ESF1: variants seen among roughly 807,000 people sequenced by gnomAD.
The protein encoded by ESF1 is ESF1 nucleolar pre-rRNA processing protein, also known as ESF1 homolog.
In ESF1, 58 loss-of-function variants were observed where a neutral mutation model predicts 92.0. The ratio of observed to expected loss-of-function variants is 0.63; its 90% CI spans 0.51 to 0.78. The LOEUF (loss-of-function observed/expected upper bound fraction) is 0.78, where lower values mean the gene tolerates loss of function less well. Ranked by LOEUF, ESF1 falls within the 30% of genes least tolerant of loss-of-function variation. The probability of loss-of-function intolerance (pLI) is 0.00; values close to 1 mark genes in which losing one functional copy is unlikely to be tolerated. For missense variants in ESF1, 922 were observed against 989.1 expected, an observed-to-expected ratio of 0.93 and a Z score of 0.91; for synonymous variants, 321 against 313.7, an observed-to-expected ratio of 1.02 and a Z score of -0.24.
chr20:13,770,878 T>C (rs1487968705), intron 6 of ESF1, among the ~76,000 whole-genome samples: 1 of 152,230 alleles, frequency 6.6e-6, no homozygotes, highest in Non-Finnish European at 1.5e-5. Context: ...GAACAATTAT[T>C]TGAAATATGA....
chr20:13,771,260 G>A, intron 6 of ESF1, 71 bp downstream of exon 6: 1 of 1,418,408 alleles, frequency 7.1e-7, no homozygotes, highest in Middle Eastern at 2.5e-4. Context: ...ATCACTACCA[G>A]TTCAAATATT....
intron 1 of ESF1, 82 bp from the exon 2 acceptor site, chr20:13,783,265 CTAAGT>C: frequency 1.0e-6 from 1 of 976,816 alleles, no homozygotes; most frequent in Non-Finnish European, 1.5e-6. Context: ...ACAATATATT[CTAAGT>C]TAATATATTC....
intron 13 of ESF1, among the ~76,000 whole-genome samples, chr20:13,716,231 G>A (rs2049823810): frequency 6.6e-6 from 1 of 152,180 alleles, no homozygotes; most frequent in Non-Finnish European, 1.5e-5. Context: ...ACAGCTGTTT[G>A]TAGATTTTTG....
At chr20:13,758,131 G>C (rs778194291) in intron 9 of ESF1, among the ~76,000 whole-genome samples, 2 of 152,066 alleles carry the variant, frequency 1.3e-5, no homozygotes, top group Non-Finnish European at 2.9e-5. Context: ...TAATAATATA[G>C]AGAATTCCTC....
chr20:13,733,628 G>T (rs2049957523), intron 10 of ESF1, 93 bp downstream of exon 10: 5 of 1,316,630 alleles, frequency 3.8e-6, no homozygotes, highest in Non-Finnish European at 5.1e-6. Context: ...TCAGTGAGTG[G>T]TTACATTTTG....
At chr20:13,784,830 C>T (rs759665158) in intron 1 of ESF1, 50 bp downstream of exon 1, 85 of 578,048 alleles carry the variant, frequency 1.5e-4, no homozygotes, top group Middle Eastern at 4.6e-4. Flanking sequence ...ACACACACGC[C>T]CTCAAGCCCT....
In ESF1 at chr20:13,775,956, C is replaced by G. The variant is rs377187240; in HGVS notation, c.952G>C (p.Asp318His). 1.2e-6 allele frequency: 2 copies of G among 1,613,814 alleles called. No individual in the cohort carries two copies. Among genetic ancestry groups the G allele is most frequent in the East Asian group, 4.5e-5 (2 of 44,854 alleles). Residue 318 changes from aspartate (D) to histidine (H), a missense_variant, in exon 3 of 14, where the codon GAT becomes CAT. Physicochemically the swap from Asp to His is moderately conservative, Grantham distance 81. Coordinates refer to ENST00000617257, the MANE Select transcript of ESF1 (RefSeq NM_001276380.2). ...NIETSSEDED[D>H]TADLFPEESG... ...TCTTCTGGAAACAAATCTGCCGTAT[C>G]ATCTTCATCTTCAGAACTAGTTTCT... is the stretch of plus-strand genomic sequence containing the variant.
At chr20:13,746,999 T>C (rs144627988) in intron 9 of ESF1, among the ~76,000 whole-genome samples, 2 of 152,248 alleles carry the variant, frequency 1.3e-5, no homozygotes, top group African/African-American at 4.8e-5. Flanking sequence ...ACAATGTTTG[T>C]ACAGCAAGAT....
At chr20:13,746,041 T>C (rs755969439) in intron 9 of ESF1, among the ~76,000 whole-genome samples, 1 of 152,086 alleles carries the variant, frequency 6.6e-6, no homozygotes, top group Non-Finnish European at 1.5e-5. Flanking sequence ...CTCAGATCAC[T>C]GCAACCTCCA....
intron 11 of ESF1, among the ~76,000 whole-genome samples, chr20:13,719,444 T>G (rs1156664132): frequency 6.6e-6 from 1 of 152,048 alleles, no homozygotes; most frequent in African/African-American, 2.4e-5. Context: ...TGTATTAACG[T>G]GTACTGAAAA....
chr20:13,748,959 C>T (rs1407445140), intron 9 of ESF1, among the ~76,000 whole-genome samples: 1 of 152,006 alleles, frequency 6.6e-6, no homozygotes, highest in African/African-American at 2.4e-5. Flanking sequence ...TTTTAAAATT[C>T]CCCTGTTTAC....
At chr20:13,764,100 T>A (rs1209934741) in intron 8 of ESF1, among the ~76,000 whole-genome samples, 1 of 152,182 alleles carries the variant, frequency 6.6e-6, no homozygotes, top group African/African-American at 2.4e-5. Flanking sequence ...ATAAAAATAA[T>A]ACATATACAA....
intron 9 of ESF1, among the ~76,000 whole-genome samples, chr20:13,739,509 A>G (rs1307497050): frequency 1.3e-5 from 2 of 152,196 alleles, no homozygotes; most frequent in Non-Finnish European, 2.9e-5. Context: ...AATGTACACA[A>G]TATCAAGCTA....
chr20:13,777,430 G>A (rs1480748872), intron 2 of ESF1, among the ~76,000 whole-genome samples: 1 of 152,140 alleles, frequency 6.6e-6, no homozygotes, highest in African/African-American at 2.4e-5. Context: ...TTTTGAATAT[G>A]TTGAATACGA....
In ESF1 at chr20:13,784,287, C is replaced by CG. The variant is rs1555828491; in HGVS notation, c.-44+592_-44+593insC. Reference sequence around the variant, plus strand: ...AAAAGTCGTTGATTATTAAGCAACCCCCCCCCAAAATGATTAAAAGGGCAA... The same window carrying CG: ...AAAAGTCGTTGATTATTAAGCAACCCGCCCCCCAAAATGATTAAAAGGGCAA... On this transcript the variant is annotated intron_variant, in intron 1 of 13. Transcript: ENST00000617257. Among the ~76,000 whole-genome samples, 3 of 146,076 alleles carry CG rather than the reference C, an allele frequency of 2.1e-5. No homozygotes were observed. The Admixed American group carries it at 2.1e-4, about 10-fold the overall frequency.
chr20:13,783,375 T>C (rs1980349549), intron 1 of ESF1, among the ~76,000 whole-genome samples, 192 bp from the exon 2 acceptor site: 1 of 152,174 alleles, frequency 6.6e-6, no homozygotes, highest in South Asian at 2.1e-4. Flanking sequence ...CATACCAAAA[T>C]ATCCTCTTTC....
chr20:13,770,823 T>A (rs1979649698), intron 6 of ESF1, among the ~76,000 whole-genome samples: 1 of 152,218 alleles, frequency 6.6e-6, no homozygotes, highest in South Asian at 2.1e-4. Context: ...CCAACAGAAC[T>A]TTCTGTGACA....
chr20:13,765,229 C>G (rs1002878132), intron 8 of ESF1, among the ~76,000 whole-genome samples: 4 of 152,034 alleles, frequency 2.6e-5, no homozygotes, highest in African/African-American at 9.7e-5. Context: ...TCTCAAAAAA[C>G]AAAAACAACT....
chr20:13,724,674 T>C (rs1055161880), intron 11 of ESF1, among the ~76,000 whole-genome samples: 1 of 152,240 alleles, frequency 6.6e-6, no homozygotes, highest in African/African-American at 2.4e-5. Flanking sequence ...CTAACACATA[T>C]TTTAAAAGTC....
Sources: allele counts gnomAD v4.1 joint callset (sites outside exome capture counted in the v4.1 genomes callset), GRCh38; gene constraint gnomAD v4.1.1; transcripts MANE v1.5; gene names NCBI Gene and HGNC (gene_info 2026-07-23, HGNC 2026-07-21).